The following TNKS variants were observed in gnomAD, a reference collection of about 807,000 sequenced individuals.
The protein encoded by TNKS is poly [ADP-ribose] polymerase tankyrase-1.
TNKS carries 72 observed loss-of-function variants against 135.8 expected under a neutral mutation model. The observed-to-expected ratio is 0.53, with a 90% confidence interval of 0.44 to 0.64. TNKS has a LOEUF of 0.64. TNKS is among the 30% of genes least tolerant of loss of function. The probability of loss-of-function intolerance (pLI) is 0.00; values close to 1 mark genes in which losing one functional copy is unlikely to be tolerated. For missense variants in TNKS, 1,769 were observed against 1,674.0 expected, an observed-to-expected ratio of 1.06 and a Z score of -0.99; for synonymous variants, 849 against 649.3, an observed-to-expected ratio of 1.31 and a Z score of -4.68.
At chr8:9,689,049 A>G (rs1173436981) in intron 5 of TNKS, among the ~76,000 whole-genome samples, 1 of 152,132 alleles carries the variant, frequency 6.6e-6, no homozygotes, top group Admixed American at 6.5e-5. Context: ...CCTGTCTCCA[A>G]ATGCTATCAT....
intron 17 of TNKS, among the ~76,000 whole-genome samples, chr8:9,746,910 C>T (rs1036481082): frequency 5.7e-5 from 6 of 105,646 alleles, no homozygotes; most frequent in African/African-American, 2.9e-4. Context: ...TGAGACGGAG[C>T]CTTGCTCTGG....
chr8:9,662,141 TTGG>T (rs1489870243), intron 3 of TNKS, among the ~76,000 whole-genome samples: 9 of 152,204 alleles, frequency 5.9e-5, no homozygotes, highest in Non-Finnish European at 1.2e-4. Flanking sequence ...TTTTACACTG[TTGG>T]TGGGACTGTA....
At chr8:9,694,046 T>C (rs1286978269) in intron 5 of TNKS, among the ~76,000 whole-genome samples, 1 of 152,102 alleles carries the variant, frequency 6.6e-6, no homozygotes, top group East Asian at 1.9e-4. Context: ...AAAAACAAAA[T>C]ACACTGTATG....
intron 5 of TNKS, among the ~76,000 whole-genome samples, chr8:9,690,672 T>A (rs1803223559): frequency 6.6e-6 from 1 of 151,822 alleles, no homozygotes; most frequent in Non-Finnish European, 1.5e-5. Context: ...GGAGAATCAT[T>A]TGAACCTGGG....
intron 5 of TNKS, among the ~76,000 whole-genome samples, chr8:9,682,557 C>T (rs2128798132): frequency 6.6e-6 from 1 of 152,128 alleles, no homozygotes; most frequent in East Asian, 1.9e-4. Flanking sequence ...TTCTATATTA[C>T]TCTGTGGCAC....
At chr8:9,565,696 AC>A (rs1797499944) in intron 1 of TNKS, among the ~76,000 whole-genome samples, 1 of 151,958 alleles carries the variant, frequency 6.6e-6, no homozygotes, top group Non-Finnish European at 1.5e-5. Context: ...CTAAAAATAC[AC>A]ACACACAAAA....
intron 3 of TNKS, among the ~76,000 whole-genome samples, chr8:9,617,850 A>G (rs1405818835): frequency 1.3e-5 from 2 of 152,146 alleles, no homozygotes; most frequent in African/African-American, 4.8e-5. Context: ...TTTCTTTAGG[A>G]ATTTACTTGC....
chr8:9,769,680 C>A (rs577006875), intron 25 of TNKS, among the ~76,000 whole-genome samples: 1 of 131,202 alleles, frequency 7.6e-6, no homozygotes, highest in Non-Finnish European at 1.5e-5. Flanking sequence ...AGTGCAGTGG[C>A]GCGATCTCGG....
At chr8:9,697,481 A>C (rs1420640365) in intron 5 of TNKS, among the ~76,000 whole-genome samples, 7 of 152,190 alleles carry the variant, frequency 4.6e-5, no homozygotes. Context: ...CTGCACAGCA[A>C]AAGAAACTAC....
At chr8:9,576,048 A>G (rs79508898) in intron 1 of TNKS, among the ~76,000 whole-genome samples, 1 of 152,064 alleles carries the variant, frequency 6.6e-6, no homozygotes, top group Non-Finnish European at 1.5e-5. Flanking sequence ...GAAGAGAGAA[A>G]CATATTTCCA....
Position 9,710,128 on chromosome 8 carries a change from C to T in TNKS, c.1671-14C>T, listed in dbSNP as rs1804248398. 2 of 1,613,600 alleles carry T rather than the reference C, an allele frequency of 1.2e-6. 1 individual carries two copies. The highest frequency in any genetic ancestry group is 2.2e-5 in the South Asian group (2 of 91,068). ...AGAGACAATTACCTTTTCTTTCTTT[C>T]CTCTTTTCTGTAGTTTCATGACTCC... On this transcript the variant is annotated splice_polypyrimidine_tract_variant and intron_variant, in intron 10 of 26. Coordinates refer to ENST00000310430, the MANE Select transcript of TNKS (RefSeq NM_003747.3).
At chr8:9,650,728 A>T (rs1801117827) in intron 3 of TNKS, among the ~76,000 whole-genome samples, 1 of 151,990 alleles carries the variant, frequency 6.6e-6, no homozygotes, top group South Asian at 2.1e-4. Flanking sequence ...TCTTTGTCAG[A>T]TGCATAGTTT....
At chr8:9,775,459 CTATATATATATATATATA>C (rs59789406) in intron 26 of TNKS, among the ~76,000 whole-genome samples, 962 of 80,626 alleles carry the variant, frequency 0.012, 29 homozygotes, top group African/African-American at 0.035. Flanking sequence ...ATGAATGGTT[CTATATATATATATATATA>C]TATATATATA....
intron 5 of TNKS, among the ~76,000 whole-genome samples, chr8:9,695,274 A>G (rs1314841419): frequency 2.6e-5 from 4 of 152,238 alleles, no homozygotes; most frequent in African/African-American, 9.6e-5. Context: ...AATCCTTAGG[A>G]AGATTTTACC....
At chr8:9,568,708 A>C (rs1413961071) in intron 1 of TNKS, among the ~76,000 whole-genome samples, 4 of 152,234 alleles carry the variant, frequency 2.6e-5, no homozygotes, top group African/African-American at 4.8e-5. Flanking sequence ...TGTTTGGGTT[A>C]AAGTATATGA....
intron 3 of TNKS, among the ~76,000 whole-genome samples, chr8:9,656,134 A>G (rs1379570024): frequency 2.0e-5 from 3 of 152,230 alleles, no homozygotes; most frequent in Non-Finnish European, 4.4e-5. Context: ...ACTGGAAGAA[A>G]GAGTATCAGC....
chr8:9,741,450 C>T (rs1805955893), intron 17 of TNKS, among the ~76,000 whole-genome samples: 1 of 152,046 alleles, frequency 6.6e-6, no homozygotes, highest in Non-Finnish European at 1.5e-5. Flanking sequence ...TAGCCTTCAC[C>T]TTTCACAGTC....
At chr8:9,556,951 C>A (rs1467328637) in intron 1 of TNKS, 2 of 463,348 alleles carry the variant, frequency 4.3e-6, no homozygotes, top group East Asian at 3.4e-5. Flanking sequence ...GTAGTTTTGT[C>A]GTTTGTGTGC....
intron 25 of TNKS, among the ~76,000 whole-genome samples, 168 bp downstream of exon 25, chr8:9,766,593 C>A (rs954284202): frequency 3.3e-5 from 5 of 149,484 alleles, no homozygotes; most frequent in African/African-American, 7.4e-5. Context: ...TCAAGCAATT[C>A]TCCTGCCTCA....
Sources: gnomAD v4.1 joint callset for allele counts (sites outside exome capture counted in the v4.1 genomes callset) on GRCh38, gnomAD v4.1.1 for gene constraint, MANE v1.5 for transcripts, NCBI Gene and HGNC (gene_info 2026-07-23, HGNC 2026-07-21) for gene names.